QPCT: variants seen among roughly 807,000 people sequenced by gnomAD.
The protein encoded by QPCT is EC.
Under a neutral mutation model 43.4 loss-of-function variants are expected in QPCT, and 44 were observed. That is an observed-to-expected ratio of 1.01 (90% CI 0.80 to 1.30). The LOEUF (loss-of-function observed/expected upper bound fraction) is 1.30, where lower values mean the gene tolerates loss of function less well. Among genes scored for constraint, QPCT ranks in the 50% most tolerant of loss-of-function variants. The probability of loss-of-function intolerance (pLI) is 0.00; values close to 1 mark genes in which losing one functional copy is unlikely to be tolerated. For missense variants in QPCT, 526 were observed against 436.5 expected, an observed-to-expected ratio of 1.21 and a Z score of -1.83; for synonymous variants, 168 against 168.4, an observed-to-expected ratio of 1.00 and a Z score of 0.02.
chr2:37,371,912 G>A (rs928890261), intron 5 of QPCT, among the ~76,000 whole-genome samples: 5 of 152,160 alleles, frequency 3.3e-5, no homozygotes, highest in Admixed American at 3.3e-4. Flanking sequence ...TTCCCATAGA[G>A]TGGCCACTTG....
chr2:37,367,446 G>T, intron 4 of QPCT, 38 bp downstream of exon 4: 1 of 1,580,348 alleles, frequency 6.3e-7, no homozygotes, highest in Non-Finnish European at 8.6e-7. Flanking sequence ...GTAGCTGTAG[G>T]CTCCGCTTCC....
chr2:37,344,850 A>G lies in QPCT; in HGVS notation c.119A>G (p.Lys40Arg), dbSNP rs768922168. Residue 40 changes from lysine (K) to arginine (R), a missense_variant and splice_region_variant, in exon 1 of 7, where the codon AAG becomes AGG. Coordinates refer to ENST00000338415, the MANE Select transcript of QPCT (RefSeq NM_012413.4). The part of the protein sequence containing the change: ...SPSASAWPEE[K>R]NYHQPAILNS... ...AGTGCCTCAGCCTGGCCAGAGGAGAAGGTGAGGGGCTGTTTCTGCGTAGTT... is the reference window on the plus strand; with the variant it reads ...AGTGCCTCAGCCTGGCCAGAGGAGAGGGTGAGGGGCTGTTTCTGCGTAGTT... The G allele has an allele frequency of 5.7e-6, 9 of 1,588,402 alleles. No individual in the cohort carries two copies. Among genetic ancestry groups the G allele is most frequent in the Middle Eastern group, 1.7e-4 (1 of 5,942 alleles).
rs369249341 is a variant in QPCT at position 37,344,749 on chromosome 2, C to T, written c.18C>T (p.His6=). The T allele has an allele frequency of 6.2e-6, 10 of 1,605,508 alleles. 1 individual carries two copies. The South Asian group carries it at 1.1e-4, about 18-fold the overall frequency. MAGGR[H]RRVVGTLHLL... is the part of the protein sequence containing the mutation. ...TCGGAGAGATGGCAGGCGGAAGACA[C>T]CGGCGCGTCGTGGGCACCCTCCACC... The change falls in exon 1 of 7, where the codon CAC becomes CAT. Residue 6 remains histidine (H), a synonymous_variant. Coordinates refer to ENST00000338415, the MANE Select transcript of QPCT (RefSeq NM_012413.4).
chr2:37,349,257 C>G (rs989418949), intron 1 of QPCT, among the ~76,000 whole-genome samples: 32 of 152,022 alleles, frequency 2.1e-4, no homozygotes, highest in Non-Finnish European at 4.4e-5. Context: ...ATGGTTGAGC[C>G]CAGGAGGTTG....
chr2:37,349,608 C>T (rs930344645), intron 1 of QPCT, among the ~76,000 whole-genome samples: 1 of 152,204 alleles, frequency 6.6e-6, no homozygotes, highest in Non-Finnish European at 1.5e-5. Flanking sequence ...CAAGGAGCCA[C>T]TGGTAAACAG....
chr2:37,357,660 C>G (rs1227994318), intron 2 of QPCT, among the ~76,000 whole-genome samples: 1 of 152,096 alleles, frequency 6.6e-6, no homozygotes, highest in Non-Finnish European at 1.5e-5. Flanking sequence ...CAAAGTCCAC[C>G]CACTATAAAA....
intron 1 of QPCT, among the ~76,000 whole-genome samples, chr2:37,350,516 C>T (rs1672597794): frequency 6.6e-6 from 1 of 152,152 alleles, no homozygotes; most frequent in Non-Finnish European, 1.5e-5. Context: ...TAAACAAAGA[C>T]AAATCTTCTG....
intron 4 of QPCT, among the ~76,000 whole-genome samples, chr2:37,369,452 C>T (rs1673028218): frequency 1.3e-5 from 2 of 152,208 alleles, no homozygotes; most frequent in Non-Finnish European, 2.9e-5. Flanking sequence ...TTTGGAGTTA[C>T]ATACACAAAT....
intron 4 of QPCT, 107 bp downstream of exon 4, chr2:37,367,515 A>G: frequency 8.7e-7 from 1 of 1,156,066 alleles, no homozygotes; most frequent in Non-Finnish European, 1.2e-6. Flanking sequence ...TCCTTGGAGC[A>G]CAGTGTTTAT....
intron 4 of QPCT, among the ~76,000 whole-genome samples, chr2:37,368,035 CT>C (rs983616542): frequency 2.0e-5 from 3 of 152,142 alleles, no homozygotes; most frequent in African/African-American, 7.2e-5. Context: ...GAGCAAACCC[CT>C]TCTTTCAGGC....
chr2:37,370,622 C>A (rs1461866791), intron 5 of QPCT, among the ~76,000 whole-genome samples: 1 of 151,880 alleles, frequency 6.6e-6, no homozygotes, highest in Non-Finnish European at 1.5e-5. Flanking sequence ...GCCAATTTTC[C>A]AAAGAAGCAA....
intron 3 of QPCT, among the ~76,000 whole-genome samples, chr2:37,363,454 C>T (rs1005525547): frequency 2.5e-5 from 3 of 119,756 alleles, no homozygotes; most frequent in Non-Finnish European, 4.7e-5. Context: ...GAGGCTCCCT[C>T]TCTACAAAAA....
intron 2 of QPCT, among the ~76,000 whole-genome samples, chr2:37,358,279 C>T (rs959101778): frequency 3.3e-5 from 5 of 151,802 alleles, no homozygotes; most frequent in Admixed American, 6.6e-5. Flanking sequence ...ACAAAAAAAC[C>T]CACAAAAGTT....
chr2:37,352,740 A>T, intron 1 of QPCT, 49 bp from the exon 2 acceptor site: 1 of 1,591,234 alleles, frequency 6.3e-7, no homozygotes, highest in Non-Finnish European at 8.6e-7. Flanking sequence ...CAGAGTCTTA[A>T]ACATGTTATG....
At chr2:37,362,493 A>G (rs981376682) in intron 3 of QPCT, among the ~76,000 whole-genome samples, 2 of 152,244 alleles carry the variant, frequency 1.3e-5, no homozygotes, top group African/African-American at 4.8e-5. Context: ...TCCTCATGGT[A>G]TAATTAAGGA....
At chr2:37,365,088 C>G (rs1236494079) in intron 3 of QPCT, among the ~76,000 whole-genome samples, 1 of 151,220 alleles carries the variant, frequency 6.6e-6, no homozygotes, top group East Asian at 1.9e-4. Flanking sequence ...CACACACACA[C>G]ACACACACAA....
intron 3 of QPCT, among the ~76,000 whole-genome samples, chr2:37,361,800 G>A (rs1572734610): frequency 6.6e-6 from 1 of 152,316 alleles, no homozygotes; most frequent in East Asian, 1.9e-4. Context: ...TGCAACATTA[G>A]CTAACTGATA....
chr2:37,363,353 T>G (rs1672891828), intron 3 of QPCT, among the ~76,000 whole-genome samples: 1 of 150,956 alleles, frequency 6.6e-6, no homozygotes, highest in African/African-American at 2.4e-5. Flanking sequence ...CCTGGAGCAG[T>G]GGCTCATGTC....
In QPCT at chr2:37,345,216, C is replaced by A. The variant is rs78899434; in HGVS notation, c.120+365C>A. 9.9e-3 allele frequency among the ~76,000 whole-genome samples: 1,509 copies of A among 152,306 alleles called. 24 individuals carry two copies. The highest frequency in any genetic ancestry group is 0.033 in the African/African-American group (1,364 of 41,576). ...CCCCACTCGGGACCCTGGAGGGCAA[C>A]GGGGCCGGCGCTCCGGGGCCGCTAG... On this transcript the variant is annotated intron_variant, in intron 1 of 6. Coordinates refer to ENST00000338415, the MANE Select transcript of QPCT (RefSeq NM_012413.4).
Sources: allele counts gnomAD v4.1 joint callset (sites outside exome capture counted in the v4.1 genomes callset), GRCh38; gene constraint gnomAD v4.1.1; transcripts MANE v1.5; gene names NCBI Gene and HGNC (gene_info 2026-07-23, HGNC 2026-07-21).